The following POLR1B variants were observed in gnomAD, a reference collection of about 807,000 sequenced individuals.
The protein encoded by POLR1B is DNA-directed RNA polymerase I subunit RPA2.
POLR1B carries 30 observed loss-of-function variants against 105.8 expected under a neutral mutation model. That is an observed-to-expected ratio of 0.28 (90% confidence interval 0.21 to 0.38). The LOEUF (loss-of-function observed/expected upper bound fraction) is 0.38, where lower values mean the gene tolerates loss of function less well. Among genes scored for constraint, POLR1B ranks in the 10% least tolerant of loss-of-function variants. The pLI, the probability that POLR1B is intolerant of heterozygous loss-of-function variation, is 1.00. For synonymous variants in POLR1B, 485 were observed against 505.1 expected, an observed-to-expected ratio of 0.96 and a Z score of 0.53; for missense variants, 976 against 1,435.8, an observed-to-expected ratio of 0.68 and a Z score of 5.17.
chr2:112,562,728 C>CTTTTTTTT (rs70965010), intron 9 of POLR1B, among the ~76,000 whole-genome samples: 3 of 120,642 alleles, frequency 2.5e-5, no homozygotes, highest in Admixed American at 8.6e-5. Flanking sequence ...TCTTTTTTTT[C>CTTTTTTTT]TTTTTTTTTT....
At chr2:112,546,879 A>T in intron 1 of POLR1B, 133 bp from the exon 2 acceptor site, 2 of 976,326 alleles carry the variant, frequency 2.0e-6, no homozygotes, top group Non-Finnish European at 3.0e-6. Flanking sequence ...AGGTAGCCTT[A>T]ACTGTCCTTT....
In POLR1B at chr2:112,564,427, G is replaced by A. The variant is rs144935807; in HGVS notation, c.1674G>A (p.Leu558=). 1.1e-5 allele frequency: 18 copies of A among 1,614,138 alleles called. No individual in the cohort carries two copies. Among genetic ancestry groups the A allele is most frequent in the Non-Finnish European group, 1.4e-5 (17 of 1,180,058 alleles). The change falls in exon 10 of 15, where the codon CTG becomes CTA. Residue 558 remains leucine, a synonymous_variant. Transcript: ENST00000263331. The part of the protein sequence containing the change: ...RSYSECYPVL[L]DGVMVGWVDK... Reference sequence around the variant, plus strand: ...ACAGTGAGTGCTACCCTGTCCTGCTGGACGGTGTCATGGTTGGCTGGGTGG... The same window carrying A: ...ACAGTGAGTGCTACCCTGTCCTGCTAGACGGTGTCATGGTTGGCTGGGTGG...
At chr2:112,548,945 G>T (rs922258898) in intron 3 of POLR1B, among the ~76,000 whole-genome samples, 1 of 151,990 alleles carries the variant, frequency 6.6e-6, no homozygotes, top group African/African-American at 2.4e-5. Context: ...TTTGGAGTAA[G>T]TTTTTTTTAG....
Position 112,568,795 on chromosome 2 carries a change from C to G in POLR1B, c.1967C>G (p.Thr656Ser). 1 of 1,614,048 alleles carries G rather than the reference C, an allele frequency of 6.2e-7. No homozygotes were observed. The highest frequency in any genetic ancestry group is 8.5e-7 in the Non-Finnish European group (1 of 1,179,942). The change falls in exon 12 of 15, where the codon ACC becomes AGC. Residue 656 changes from threonine to serine, a missense_variant. Coordinates refer to ENST00000263331, the MANE Select transcript of POLR1B (RefSeq NM_019014.6). ...GAGGATGAAGTTTTTGCTGGAGTTA[C>G]CACACACCAGGAACTCTTTCCACAC... ...IFEDEVFAGV[T>S]THQELFPHSL...
At chr2:112,571,037 C>T (rs1359231550) in intron 12 of POLR1B, among the ~76,000 whole-genome samples, 2 of 152,320 alleles carry the variant, frequency 1.3e-5, no homozygotes, top group South Asian at 2.1e-4. Flanking sequence ...GCCTCAGCCT[C>T]CCAAAGTGCT....
At chr2:112,543,339 T>C (rs1682861023) in intron 1 of POLR1B, among the ~76,000 whole-genome samples, 1 of 150,518 alleles carries the variant, frequency 6.6e-6, no homozygotes, top group Admixed American at 6.6e-5. Flanking sequence ...AGTTCATGCA[T>C]TTAAGTGCTC....
rs904390233 is a variant in POLR1B, at chr2:112,578,333, C to T, written c.*2604C>T. On this transcript the variant is annotated 3_prime_UTR_variant, in exon 15 of 15. Coordinates refer to ENST00000263331, the MANE Select transcript of POLR1B (RefSeq NM_019014.6). ...ACTATCCTTTTATAGCCATCTCTAC[C>T]TCTGTCCCCCATTTCTAACCCCTGG... Among the ~76,000 whole-genome samples the T allele has an allele frequency of 2.6e-5, 4 of 152,118 alleles. No individual in the cohort carries two copies. Among genetic ancestry groups the T allele is most frequent in the African/African-American group, 9.7e-5 (4 of 41,424 alleles).
chr2:112,568,803 C>G lies in POLR1B; in HGVS notation c.1975C>G (p.Gln659Glu), dbSNP rs1486122318. Residue 659 changes from glutamine (Q) to glutamate (E), a missense_variant, in exon 12 of 15, where the codon CAG (glutamine) becomes GAG (glutamate). By Grantham distance (29) the Gln-to-Glu change is conservative. Around this residue, in one of 12 missense-constraint regions of POLR1B, gnomAD observed 184 missense variants for 197.4 expected, o/e 0.93. Coordinates refer to ENST00000263331, the MANE Select transcript of POLR1B (RefSeq NM_019014.6). ...DEVFAGVTTH[Q>E]ELFPHSLLSV... ...AGTTTTTGCTGGAGTTACCACACACCAGGAACTCTTTCCACACAGCCTGCT... is the reference window on the plus strand; with the variant it reads ...AGTTTTTGCTGGAGTTACCACACACGAGGAACTCTTTCCACACAGCCTGCT... The G allele has an allele frequency of 6.2e-7, 1 of 1,614,120 alleles. No individual in the cohort carries two copies. Among genetic ancestry groups the G allele is most frequent in the East Asian group, 2.2e-5 (1 of 44,892 alleles).
intron 10 of POLR1B, 98 bp downstream of exon 10, chr2:112,564,597 C>G: frequency 6.6e-7 from 1 of 1,503,762 alleles, no homozygotes; most frequent in Non-Finnish European, 9.1e-7. Flanking sequence ...CTAGAGTGAT[C>G]AAGTGGTCAG....
At chr2:112,542,701 C>G (rs1190973007) in intron 1 of POLR1B, 30 bp downstream of exon 1, 6 of 1,608,060 alleles carry the variant, frequency 3.7e-6, no homozygotes, top group Non-Finnish European at 5.1e-6. Context: ...GCGCCCTTGC[C>G]GCGGCGAGGC....
intron 12 of POLR1B, 121 bp from the exon 13 acceptor site, chr2:112,572,441 C>A: frequency 1.5e-6 from 1 of 687,264 alleles, no homozygotes; most frequent in South Asian, 2.8e-5. Context: ...GCATAACTAC[C>A]ATGACTATTT....
At chr2:112,561,709 A>G (rs1683995283) in intron 9 of POLR1B, among the ~76,000 whole-genome samples, 1 of 152,226 alleles carries the variant, frequency 6.6e-6, no homozygotes, top group African/African-American at 2.4e-5. Flanking sequence ...AGCCAACAGC[A>G]GTGTAATTAT....
chr2:112,542,677 C>T lies in POLR1B; in HGVS notation c.177+6C>T. The T allele has an allele frequency of 6.2e-7, 1 of 1,610,718 alleles. No homozygotes were observed. The highest frequency in any genetic ancestry group is 1.1e-5 in the South Asian group (1 of 90,948). On this transcript the variant is annotated splice_donor_region_variant and intron_variant, in intron 1 of 14. Transcript: ENST00000263331. ...GTCTCGGCCTCGCGGTGCAGGTGAGCGCGGCGTCCGCCGGCGCCCTTGCCG... is the reference window on the plus strand; with the variant it reads ...GTCTCGGCCTCGCGGTGCAGGTGAGTGCGGCGTCCGCCGGCGCCCTTGCCG...
chr2:112,549,983 A>G (rs982820295), intron 4 of POLR1B, among the ~76,000 whole-genome samples: 3 of 152,232 alleles, frequency 2.0e-5, no homozygotes, highest in African/African-American at 4.8e-5. Context: ...ATTTTTATCA[A>G]TCATAAGCAT....
chr2:112,542,300 G>A, upstream of POLR1B: 1 of 1,528,390 alleles, frequency 6.5e-7, no homozygotes, highest in East Asian at 2.5e-5. Context: ...TAATCGGCCC[G>A]TTCACTCGAC....
rs181685293 is a variant in POLR1B, at chr2:112,564,468, C to G, written c.1715C>G (p.Pro572Arg). ...GGCTGGGTGGATAAGGATCTTGCTC[C>G]AGGCATCGCAGATTCTCTTCGTCAT... is the stretch of plus-strand genomic sequence containing the variant. ...MVGWVDKDLA[P>R]GIADSLRHFK... Residue 572 changes from proline (P) to arginine (R), a missense_variant, in exon 10 of 15, where the codon CCA (proline) becomes CGA (arginine). Around this residue, in one of 12 missense-constraint regions of POLR1B, gnomAD observed 184 missense variants for 197.4 expected, o/e 0.93. Transcript: ENST00000263331. 1 of 1,614,244 alleles carries G rather than the reference C, an allele frequency of 6.2e-7. No homozygotes were observed. The highest frequency in any genetic ancestry group is 1.1e-5 in the South Asian group (1 of 91,090).
chr2:112,577,530 CAG>C lies in POLR1B; in HGVS notation c.*1804_*1805del, dbSNP rs1184736933. 4.4e-4 allele frequency among the ~76,000 whole-genome samples: 67 copies of C among 152,106 alleles called. No individual in the cohort carries two copies. The highest frequency in any genetic ancestry group is 1.5e-5 in the Non-Finnish European group (1 of 68,030). On this transcript the variant is annotated 3_prime_UTR_variant, in exon 15 of 15. Coordinates refer to ENST00000263331, the MANE Select transcript of POLR1B (RefSeq NM_019014.6). ...TGCCACTGCACTCCAGCCTGGGTGA[CAG>C]AGCAGGACCCTGTCTCTATTTTATA...
intron 12 of POLR1B, among the ~76,000 whole-genome samples, chr2:112,570,040 C>T (rs1684511829): frequency 6.6e-6 from 1 of 151,126 alleles, no homozygotes; most frequent in East Asian, 1.9e-4. Flanking sequence ...TTATTTTCTT[C>T]AGATTGGATC....
intron 3 of POLR1B, among the ~76,000 whole-genome samples, chr2:112,548,905 C>T (rs1305148938): frequency 6.6e-6 from 1 of 152,124 alleles, no homozygotes; most frequent in Non-Finnish European, 1.5e-5. Flanking sequence ...AGCCACCGCG[C>T]CCGGCCCAGT....
Sources: allele counts gnomAD v4.1 joint callset (sites outside exome capture counted in the v4.1 genomes callset), GRCh38; gene constraint gnomAD v4.1.1; regional missense constraint gnomAD v4.1.1; transcripts MANE v1.5; gene names NCBI Gene and HGNC (gene_info 2026-07-23, HGNC 2026-07-21).